Variants in NAALADL2 observed in about 807,000 individuals in gnomAD.
NAALADL2 encodes inactive N-acetylated-alpha-linked acidic dipeptidase-like protein 2.
In NAALADL2, 76 loss-of-function variants were observed where a neutral mutation model predicts 87.2. That is an observed-to-expected ratio of 0.87 (90% CI 0.72 to 1.05). The LOEUF is 1.05. Ranked by LOEUF, NAALADL2 falls within the 50% of genes least tolerant of loss-of-function variation. The probability of loss-of-function intolerance (pLI) is 0.00; values close to 1 mark genes in which losing one functional copy is unlikely to be tolerated. For synonymous variants in NAALADL2, 354 were observed against 331.0 expected (o/e 1.07, Z -0.75); for missense variants, 1,089 against 945.8 (o/e 1.15, Z -1.99).
chr3:175,215,136 T>G (rs1309130686), intron 2 of NAALADL2, among the ~76,000 whole-genome samples: 1 of 152,170 alleles, frequency 6.6e-6, no homozygotes, highest in Non-Finnish European at 1.5e-5. Context: ...TGAGGGGTGA[T>G]ATGAGAGTTT....
intron 3 of NAALADL2, among the ~76,000 whole-genome samples, chr3:174,799,883 G>T (rs889370137): frequency 6.6e-6 from 1 of 152,192 alleles, no homozygotes; most frequent in African/African-American, 2.4e-5. Context: ...TGAGAAACAT[G>T]TTGGGAGCTG....
intron 2 of NAALADL2, among the ~76,000 whole-genome samples, chr3:175,226,782 G>C (rs545735655): frequency 2.0e-5 from 3 of 152,046 alleles, no homozygotes; most frequent in Non-Finnish European, 4.4e-5. Flanking sequence ...GGAAGGCTAC[G>C]GGATGCTGCC....
intron 10 of NAALADL2, among the ~76,000 whole-genome samples, chr3:175,618,581 G>A (rs371868873): frequency 6.6e-5 from 10 of 152,176 alleles, no homozygotes; most frequent in Admixed American, 6.5e-4. Context: ...AGGAGTGCAG[G>A]CTGAAGAAGG....
chr3:175,291,902 T>C (rs1356060410), intron 4 of NAALADL2, among the ~76,000 whole-genome samples: 1 of 152,176 alleles, frequency 6.6e-6, no homozygotes, highest in Non-Finnish European at 1.5e-5. Flanking sequence ...TATACATGTT[T>C]TAAGAATATA....
intron 3 of NAALADL2, among the ~76,000 whole-genome samples, chr3:174,752,675 A>G (rs1457406844): frequency 1.3e-5 from 2 of 151,844 alleles, no homozygotes; most frequent in African/African-American, 2.4e-5. Context: ...TTTGTGTAAT[A>G]TCCCATTCCT....
chr3:175,727,469 A>G (rs867886672), intron 11 of NAALADL2, among the ~76,000 whole-genome samples: 21 of 152,214 alleles, frequency 1.4e-4, no homozygotes, highest in Middle Eastern at 3.4e-3. Flanking sequence ...GTGTTTGGGG[A>G]ACTATATATT....
At chr3:175,286,039 C>G (rs951063482) in intron 4 of NAALADL2, among the ~76,000 whole-genome samples, 1 of 151,946 alleles carries the variant, frequency 6.6e-6, no homozygotes, top group African/African-American at 2.4e-5. Flanking sequence ...AATTTTTATT[C>G]AGAAAGAGAA....
intron 5 of NAALADL2, among the ~76,000 whole-genome samples, chr3:175,401,847 G>A (rs181204497): frequency 4.6e-5 from 7 of 152,010 alleles, no homozygotes; most frequent in Non-Finnish European, 7.4e-5. Flanking sequence ...GCTATTTTTC[G>A]GTGAAGCTCC....
At chr3:174,507,858 T>G (rs1380188659) in intron 1 of NAALADL2, among the ~76,000 whole-genome samples, 1 of 152,106 alleles carries the variant, frequency 6.6e-6, no homozygotes, top group Admixed American at 6.6e-5. Context: ...GTTATGAACA[T>G]TCTCATACAG....
chr3:175,018,542 G>A (rs1157588907), intron 1 of NAALADL2, among the ~76,000 whole-genome samples: 1 of 152,010 alleles, frequency 6.6e-6, no homozygotes, highest in Admixed American at 6.6e-5. Context: ...ATACTTGCTG[G>A]TTGATGACCA....
At chr3:175,194,003 G>A (rs1337680069) in intron 2 of NAALADL2, among the ~76,000 whole-genome samples, 2 of 151,878 alleles carry the variant, frequency 1.3e-5, no homozygotes, top group Admixed American at 6.6e-5. Flanking sequence ...GAAATTACAT[G>A]TATATCTTCA....
rs1340840461 is a variant in NAALADL2, at chr3:174,746,016, G to A, written c.-9+8270G>A. Among the ~76,000 whole-genome samples, 4 of 152,222 alleles carry A rather than the reference G, an allele frequency of 2.6e-5. No individual in the cohort carries two copies. The East Asian group carries it at 7.7e-4, about 29-fold the overall frequency. On this transcript the variant is annotated intron_variant, in intron 3 of 3. Coordinates refer to the NAALADL2 transcript ENST00000434257. ...CTGGAAGCATTCCCCTTGAAAACTG[G>A]CACAAGACAAGGATGCCCTCTCTTA...
intron 4 of NAALADL2, among the ~76,000 whole-genome samples, chr3:175,276,895 T>C (rs1055535362): frequency 3.9e-5 from 6 of 152,058 alleles, no homozygotes; most frequent in Non-Finnish European, 8.8e-5. Flanking sequence ...CTAATCCCAT[T>C]CTCAATTCCA....
At chr3:174,633,880 A>G (rs1297231182) in intron 2 of NAALADL2, among the ~76,000 whole-genome samples, 5 of 152,222 alleles carry the variant, frequency 3.3e-5, no homozygotes, top group Non-Finnish European at 5.9e-5. Flanking sequence ...TCTAAGGAGC[A>G]TAGACTTGGA....
intron 3 of NAALADL2, among the ~76,000 whole-genome samples, chr3:175,247,812 T>C (rs1206403055): frequency 6.6e-6 from 1 of 152,178 alleles, no homozygotes; most frequent in Non-Finnish European, 1.5e-5. Context: ...GATGAAGTCA[T>C]AGAGCAGTAT....
intron 2 of NAALADL2, among the ~76,000 whole-genome samples, chr3:174,593,963 T>G (rs1717634951): frequency 6.6e-6 from 1 of 152,300 alleles, no homozygotes; most frequent in East Asian, 1.9e-4. Context: ...TCATTGCTAT[T>G]GTGGTTTATT....
At chr3:175,087,336 C>T (rs1040477958) in intron 1 of NAALADL2, among the ~76,000 whole-genome samples, 14 of 152,134 alleles carry the variant, frequency 9.2e-5, no homozygotes, top group Non-Finnish European at 1.5e-4. Flanking sequence ...AGGTTGGGGG[C>T]GCCTCTGCAC....
intron 5 of NAALADL2, among the ~76,000 whole-genome samples, chr3:175,381,023 T>A: frequency 6.6e-6 from 1 of 152,092 alleles, no homozygotes; most frequent in Non-Finnish European, 1.5e-5. Context: ...TGTCTCTTTT[T>A]TAACATTACA....
intron 2 of NAALADL2, among the ~76,000 whole-genome samples, chr3:174,635,488 G>A (rs948847579): frequency 3.6e-5 from 5 of 140,642 alleles, no homozygotes; most frequent in African/African-American, 8.2e-5. Context: ...TCACATTGTC[G>A]TTGTGGTGGT....
Sources: allele counts gnomAD v4.1 joint callset (sites outside exome capture counted in the v4.1 genomes callset), GRCh38; gene constraint gnomAD v4.1.1; transcripts MANE v1.5; gene names NCBI Gene and HGNC (gene_info 2026-07-23, HGNC 2026-07-21).